The following CCDC102A variants were observed in gnomAD, a reference collection of about 807,000 sequenced individuals.
The protein encoded by CCDC102A is coiled-coil domain containing 102A, also known as coiled-coil domain-containing protein 102A.
CCDC102A carries 40 observed loss-of-function variants against 55.5 expected under a neutral mutation model. The observed-to-expected ratio is 0.72, with a 90% CI of 0.56 to 0.94. The LOEUF (loss-of-function observed/expected upper bound fraction) is 0.94. Among genes scored for constraint, CCDC102A ranks in the 40% least tolerant of loss-of-function variants. The pLI is 0.00. For synonymous variants in CCDC102A, 323 were observed against 339.0 expected, an observed-to-expected ratio of 0.95 and a Z score of 0.52; for missense variants, 779 against 768.6, an observed-to-expected ratio of 1.01 and a Z score of -0.16.
At chr16:57,525,466 C>T (rs1461997581) in intron 3 of CCDC102A, among the ~76,000 whole-genome samples, 1 of 152,108 alleles carries the variant, frequency 6.6e-6, no homozygotes, top group Non-Finnish European at 1.5e-5. Flanking sequence ...CAGCCCAGGC[C>T]TGTCTCATGA....
intron 7 of CCDC102A, 78 bp from the exon 8 acceptor site, chr16:57,515,522 A>ACTC: frequency 1.2e-6 from 1 of 844,690 alleles, no homozygotes; most frequent in South Asian, 1.4e-5. Flanking sequence ...AGGGAAAACC[A>ACTC]CTCCTGCTGT....
At chr16:57,523,933 G>A (rs2032092124) in intron 3 of CCDC102A, among the ~76,000 whole-genome samples, 1 of 152,158 alleles carries the variant, frequency 6.6e-6, no homozygotes, top group African/African-American at 2.4e-5. Context: ...GCAGCGTGCT[G>A]GAAGGTGATG....
chr16:57,529,019 G>T lies in CCDC102A; in HGVS notation c.159C>A (p.Pro53=). The part of the protein sequence containing the change: ...PSGTPSPGPP[P]ALPLPPAPAL... ...CGGGCGCGGGGGGCAGGGGCAGTGC[G>T]GGCGGCGGCCCGGGCGAGGGCGTGC... The change falls in exon 2 of 9, where the codon CCC becomes CCA. Residue 53 remains proline, a synonymous_variant. Coordinates refer to ENST00000258214, the MANE Select transcript of CCDC102A (RefSeq NM_033212.4). The surrounding 1 kb of genome is among the most constrained non-coding windows in gnomAD (Gnocchi z 4.1). 9.1e-7 allele frequency: 1 copy of T among 1,102,402 alleles called. No homozygotes were observed. The highest frequency in any genetic ancestry group is 1.1e-6 in the Non-Finnish European group (1 of 904,928). The allele number at this position is 1,102,402 out of a possible 1,614,324, so 68.3% of individuals were successfully genotyped here.
chr16:57,521,275 C>A (rs1044842370), intron 3 of CCDC102A, 99 bp from the exon 4 acceptor site: 22 of 883,358 alleles, frequency 2.5e-5, no homozygotes, highest in Non-Finnish European at 3.9e-5. Context: ...ACTTGTTGAG[C>A]CCAAGTCCAA....
In CCDC102A at chr16:57,516,917, A is replaced by G. The variant is rs2031964635; in HGVS notation, c.1249-454T>C. ...CCAGCAAAAGAGATGCCCACCCTGG[A>G]GCTCTGTGAGTTCTCTAAGCCTCAG... On this transcript the variant is annotated intron_variant, in intron 6 of 8. Transcript: ENST00000258214. This position sits in a 1 kb window ranked among gnomAD's most constrained non-coding sequence, Gnocchi z 4.4. Among the ~76,000 whole-genome samples the G allele has an allele frequency of 6.6e-6, 1 of 152,112 alleles. No homozygotes were observed. Among genetic ancestry groups the G allele is most frequent in the East Asian group, 1.9e-4 (1 of 5,184 alleles).
rs1270012384 is a variant in CCDC102A, at chr16:57,528,602, T to G, written c.576A>C (p.Pro192=). 1.6e-6 allele frequency: 2 copies of G among 1,266,284 alleles called. No individual in the cohort carries two copies. Among genetic ancestry groups the G allele is most frequent in the Non-Finnish European group, 2.0e-6 (2 of 998,480 alleles). 78.4% of individuals were successfully genotyped at this position (1,266,284 alleles called of 1,614,324 possible). A position where few individuals can be genotyped will look rare whatever the true frequency, so the allele number is the denominator to read the frequency against. Reference sequence around the variant, plus strand: ...CGCCCGCGCCGCGCACCTGGCTGCCTGGCGGCCTCTCGGACCCGACGTCAC... The same window carrying G: ...CGCCCGCGCCGCGCACCTGGCTGCCGGGCGGCCTCTCGGACCCGACGTCAC... ...PVRDVGSERP[P]GSQELELVES... The change falls in exon 2 of 9, where the codon CCA becomes CCC. Residue 192 remains proline, a synonymous_variant. Transcript: ENST00000258214.
chr16:57,536,310 G>A (rs957788135), intron 1 of CCDC102A, among the ~76,000 whole-genome samples, 190 bp downstream of exon 1: 16 of 152,106 alleles, frequency 1.1e-4, no homozygotes, highest in African/African-American at 3.6e-4. Context: ...TCCGGGGGCT[G>A]AGGGAGGCCG....
chr16:57,517,274 C>A (rs1351753887), intron 6 of CCDC102A, among the ~76,000 whole-genome samples: 7 of 152,190 alleles, frequency 4.6e-5, no homozygotes, highest in Admixed American at 4.6e-4. Flanking sequence ...TTATTCCTAA[C>A]TTCTCTCCAT....
chr16:57,534,152 C>T (rs1312894596), intron 1 of CCDC102A, among the ~76,000 whole-genome samples: 1 of 152,180 alleles, frequency 6.6e-6, no homozygotes, highest in East Asian at 1.9e-4. Context: ...GCCTTGATCT[C>T]CCCAACCCCA....
At chr16:57,520,591 C>CATAAT (rs2032030542) in intron 4 of CCDC102A, among the ~76,000 whole-genome samples, 1 of 103,592 alleles carries the variant, frequency 9.7e-6, no homozygotes, top group Non-Finnish European at 2.0e-5. Context: ...CATAACATAA[C>CATAAT]ATAAATAAAA....
rs1458676229 is a variant in CCDC102A, at chr16:57,516,139, T to C, written c.1419+154A>G. Reference sequence around the variant, plus strand: ...ACATGTCCATCCTGCCATCCATTCATCACGCACCTACCCACTCTATCCTGG... The same window carrying C: ...ACATGTCCATCCTGCCATCCATTCACCACGCACCTACCCACTCTATCCTGG... On this transcript the variant is annotated intron_variant, in intron 7 of 8. Transcript: ENST00000258214. The surrounding 1 kb of genome is among the most constrained non-coding windows in gnomAD (Gnocchi z 4.4). Among the ~76,000 whole-genome samples, 1 of 152,244 alleles carries C rather than the reference T, an allele frequency of 6.6e-6. No individual in the cohort carries two copies. Among genetic ancestry groups the C allele is most frequent in the African/African-American group, 2.4e-5 (1 of 41,462 alleles).
intron 6 of CCDC102A, among the ~76,000 whole-genome samples, chr16:57,517,318 G>A (rs953687011): frequency 1.3e-5 from 2 of 151,910 alleles, no homozygotes; most frequent in African/African-American, 2.4e-5. Flanking sequence ...ACCAGTTAAC[G>A]GCTGCTTTTC....
At position 57,518,060 on chromosome 16, in the gene CCDC102A, T is replaced by G. The variant is rs756534460; in HGVS notation, c.1248+8A>C. On this transcript the variant is annotated splice_region_variant and intron_variant, in intron 6 of 8. Coordinates refer to ENST00000258214, the MANE Select transcript of CCDC102A (RefSeq NM_033212.4). ...CCCCAGCACTGGCCACTCCACTCCT[T>G]GCCCCACCTTGTTCTTCTCGAAGAG... is the stretch of plus-strand genomic sequence containing the variant. The G allele has an allele frequency of 1.9e-6, 3 of 1,588,934 alleles. No individual in the cohort carries two copies. The East Asian group carries it at 6.7e-5, about 36-fold the overall frequency.
At position 57,528,962 on chromosome 16, in the gene CCDC102A, GC is replaced by G; in HGVS notation, c.215del (p.Arg72ProfsTer89). 1 of 1,348,352 alleles carries G rather than the reference GC, an allele frequency of 7.4e-7. No homozygotes were observed. Among genetic ancestry groups the G allele is most frequent in the African/African-American group, 1.6e-5 (1 of 63,016 alleles). 83.5% of individuals were successfully genotyped at this position (1,348,352 alleles called of 1,614,324 possible). ...ALLADGDWES[R>X]EELRLRELEE... ...CCAGCTCCCGCAGCCGCAGCTCCTC[GC>G]GGCTCTCCCAGTCGCCGTCGGCCAG... On this transcript the variant is annotated frameshift_variant, in exon 2 of 9. Coordinates refer to ENST00000258214, the MANE Select transcript of CCDC102A (RefSeq NM_033212.4). LOFTEE classifies it high-confidence loss of function.
Position 57,525,990 on chromosome 16 carries a change from G to C in CCDC102A, c.723C>G (p.Asp241Glu). The change falls in exon 3 of 9, where the codon GAC becomes GAG. Residue 241 changes from aspartate (D) to glutamate (E), a missense_variant. Coordinates refer to ENST00000258214, the MANE Select transcript of CCDC102A (RefSeq NM_033212.4). ...RQERSRLPWE[D>E]TAATEEEASK... ...AGGCCTCCTCCTCCGTGGCAGCTGT[G>C]TCCTCCCAGGGTAGCCGGCTGCGCT... 2 of 1,611,120 alleles carry C rather than the reference G, an allele frequency of 1.2e-6. No homozygotes were observed. Among genetic ancestry groups the C allele is most frequent in the East Asian group, 4.5e-5 (2 of 44,810 alleles).
rs140828776 is a variant in CCDC102A at position 57,530,579 on chromosome 16, G to T, written c.-147-1255C>A. 7.2e-5 allele frequency among the ~76,000 whole-genome samples: 11 copies of T among 152,092 alleles called. No individual in the cohort carries two copies. In the East Asian group the frequency reaches 2.1e-3, roughly 29 times the overall value. ...CCAATCTCTAACCCACCTCATTCTC[G>T]GCAGATGATCTATCGTCATGATTTG... On this transcript the variant is annotated intron_variant, in intron 1 of 8. Transcript: ENST00000258214.
At chr16:57,525,844 G>T in intron 3 of CCDC102A, 57 bp downstream of exon 3, 1 of 1,476,208 alleles carries the variant, frequency 6.8e-7, no homozygotes, top group Non-Finnish European at 9.4e-7. Flanking sequence ...GTGATTCTGA[G>T]GGCGTTGTAG....
At position 57,529,917 on chromosome 16, in the gene CCDC102A, T is replaced by C. The variant is rs1219577819; in HGVS notation, c.-147-593A>G. 6.6e-6 allele frequency among the ~76,000 whole-genome samples: 1 copy of C among 152,172 alleles called. No homozygotes were observed. The highest frequency in any genetic ancestry group is 1.5e-5 in the Non-Finnish European group (1 of 68,024). On this transcript the variant is annotated intron_variant, in intron 1 of 8. Coordinates refer to ENST00000258214, the MANE Select transcript of CCDC102A (RefSeq NM_033212.4). This position sits in a 1 kb window ranked among gnomAD's most constrained non-coding sequence, Gnocchi z 4.1. ...TTTTAGTCCCAACACATGATGACAA[T>C]GATATTTGTGGAGGGCAGGCCACAA...
In CCDC102A at chr16:57,521,120, C is replaced by T. The variant is rs780942512; in HGVS notation, c.869G>A (p.Trp290Ter). 6.2e-7 allele frequency: 1 copy of T among 1,613,704 alleles called. No homozygotes were observed. Among genetic ancestry groups the T allele is most frequent in the Non-Finnish European group, 8.5e-7 (1 of 1,180,012 alleles). The change falls in exon 4 of 9, where the codon TGG becomes TAG. Residue 290 changes from tryptophan to a stop codon, truncating the protein, a stop_gained. Transcript: ENST00000258214. LOFTEE classifies it high-confidence loss of function. ...GCTCAGCTCCTCATACTTGATCTTC[C>T]ACTGGCTGAGCTCCCCCTCTAGCTT... ...IEKLEGELSQ[W>*]KIKYEELSKT...
Sources: gnomAD v4.1 joint callset for allele counts (sites outside exome capture counted in the v4.1 genomes callset) on GRCh38, gnomAD v4.1.1 for gene constraint, Gnocchi (gnomAD v3.1) non-coding constraint, MANE v1.5 for transcripts, NCBI Gene and HGNC (gene_info 2026-07-23, HGNC 2026-07-21) for gene names.